The following MBNL2 variants were observed in gnomAD, a reference collection of about 807,000 sequenced individuals.
The protein encoded by MBNL2 is muscleblind-like protein 2.
Under a neutral mutation model 41.9 loss-of-function variants are expected in MBNL2, and 17 were observed. The ratio of observed to expected loss-of-function variants is 0.41; its 90% CI spans 0.28 to 0.61. The LOEUF (loss-of-function observed/expected upper bound fraction) is 0.61, where lower values mean the gene tolerates loss of function less well. Among genes scored for constraint, MBNL2 ranks in the 20% least tolerant of loss-of-function variants. MBNL2 has a pLI of 0.35. For synonymous variants in MBNL2, 195 were observed against 182.9 expected (o/e 1.07, Z -0.53); for missense variants, 336 against 505.6 (o/e 0.66, Z 3.22).
chr13:97,242,778 T>TC (rs1555304834), intron 1 of MBNL2, among the ~76,000 whole-genome samples: 42 of 151,872 alleles, frequency 2.8e-4, no homozygotes, highest in African/African-American at 9.9e-4. Flanking sequence ...TTTTTTTTTT[T>TC]TCCCCCCTCC....
chr13:97,199,240 C>T, the MBNL2 span, among the ~76,000 whole-genome samples: 11 of 152,186 alleles, frequency 7.2e-5, no homozygotes, highest in Non-Finnish European at 1.5e-4. Context: ...TCTACTCTGG[C>T]ATCACCTTGT....
chr13:97,220,745 A>G (rs1195862268), upstream of MBNL2, among the ~76,000 whole-genome samples: 1 of 152,184 alleles, frequency 6.6e-6, no homozygotes, highest in Non-Finnish European at 1.5e-5. Flanking sequence ...GAAAATCAAC[A>G]AGGCTTAGTT....
chr13:97,323,934 A>T (rs1475209485), intron 2 of MBNL2, among the ~76,000 whole-genome samples: 1 of 152,214 alleles, frequency 6.6e-6, no homozygotes, highest in Non-Finnish European at 1.5e-5. Flanking sequence ...CAATCCAATT[A>T]TATTCTTTAA....
intron 3 of MBNL2, among the ~76,000 whole-genome samples, chr13:97,335,188 G>A (rs1468594409): frequency 2.6e-5 from 4 of 151,996 alleles, no homozygotes; most frequent in Admixed American, 6.6e-5. Context: ...TTAAAGGTCT[G>A]GAAATTGTTT....
chr13:97,208,443 C>G, the MBNL2 span, among the ~76,000 whole-genome samples: 4 of 152,144 alleles, frequency 2.6e-5, no homozygotes, highest in African/African-American at 9.7e-5. Flanking sequence ...TTGTGGAACC[C>G]ACAGCTTGGC....
chr13:97,308,231 C>T (rs1000569106), intron 2 of MBNL2, among the ~76,000 whole-genome samples: 2 of 152,166 alleles, frequency 1.3e-5, no homozygotes, highest in African/African-American at 4.8e-5. Context: ...GAGGGCTTTA[C>T]CTTTATATCA....
chr13:97,369,421 G>A (rs746330459), intron 8 of MBNL2, among the ~76,000 whole-genome samples: 17 of 152,190 alleles, frequency 1.1e-4, no homozygotes, highest in Non-Finnish European at 2.2e-4. Flanking sequence ...CAAAGCATGA[G>A]ATTACAAAGA....
intron 2 of MBNL2, among the ~76,000 whole-genome samples, chr13:97,301,456 A>G (rs1349616442): frequency 2.0e-5 from 3 of 152,132 alleles, no homozygotes; most frequent in African/African-American, 7.2e-5. Context: ...GTCTTGGAGC[A>G]TTTCAGGCAG....
chr13:97,342,146 C>T (rs144517615), intron 3 of MBNL2, among the ~76,000 whole-genome samples: 111 of 152,272 alleles, frequency 7.3e-4, no homozygotes, highest in Middle Eastern at 3.4e-3. Flanking sequence ...CTTAAATGTA[C>T]ATTATTTACT....
At chr13:97,269,985 C>T (rs1315077583) in intron 1 of MBNL2, among the ~76,000 whole-genome samples, 2 of 152,230 alleles carry the variant, frequency 1.3e-5, no homozygotes, top group Non-Finnish European at 2.9e-5. Flanking sequence ...TATAATCTGT[C>T]TTTCATGGCA....
At chr13:97,309,514 G>C (rs1012418384) in intron 2 of MBNL2, among the ~76,000 whole-genome samples, 1 of 152,180 alleles carries the variant, frequency 6.6e-6, no homozygotes, top group Non-Finnish European at 1.5e-5. Context: ...GTCAACAAGA[G>C]GGTGCTGGGA....
chr13:97,193,939 C>T, the MBNL2 span, among the ~76,000 whole-genome samples: 54 of 152,308 alleles, frequency 3.5e-4, no homozygotes, highest in East Asian at 0.01. Context: ...CCTCCCTGGT[C>T]TTTTAGTTTC....
At chr13:97,321,847 C>G (rs1432342026) in intron 2 of MBNL2, among the ~76,000 whole-genome samples, 1 of 152,216 alleles carries the variant, frequency 6.6e-6, no homozygotes. Context: ...CTGCCACTTA[C>G]TTACTAGCTG....
chr13:97,378,760 G>GA (rs201832459), intron 8 of MBNL2, among the ~76,000 whole-genome samples: 4 of 151,514 alleles, frequency 2.6e-5, no homozygotes, highest in South Asian at 4.2e-4. Flanking sequence ...AATAGAAACT[G>GA]AAAAAAAATT....
chr13:97,372,099 C>G (rs150511229), intron 8 of MBNL2, among the ~76,000 whole-genome samples: 23 of 152,338 alleles, frequency 1.5e-4, no homozygotes, highest in Non-Finnish European at 2.8e-4. Flanking sequence ...GGACAGTGAA[C>G]AGATTATCCA....
intron 2 of MBNL2, among the ~76,000 whole-genome samples, chr13:97,313,389 A>T (rs963917715): frequency 6.6e-6 from 1 of 152,218 alleles, no homozygotes; most frequent in Admixed American, 6.5e-5. Context: ...TGCTGCACAG[A>T]AGGAACTTGA....
chr13:97,374,580 G>A (rs2064785159), intron 8 of MBNL2, among the ~76,000 whole-genome samples: 1 of 151,722 alleles, frequency 6.6e-6, no homozygotes, highest in African/African-American at 2.4e-5. Flanking sequence ...TTTTAGTAGA[G>A]ACGGGGTTTA....
intron 6 of MBNL2, 50 bp from the exon 7 acceptor site, chr13:97,357,432 G>A (rs762958243): frequency 2.0e-6 from 3 of 1,470,916 alleles, no homozygotes; most frequent in Non-Finnish European, 2.9e-6. Flanking sequence ...GAACATGGAA[G>A]GTGTGTTTGC....
At chr13:97,232,849 C>CTGTGTGTGTG (rs1424948508) in intron 1 of MBNL2, among the ~76,000 whole-genome samples, 1 of 97,752 alleles carries the variant, frequency 1.0e-5, no homozygotes, top group African/African-American at 5.8e-5. Context: ...ACTCTTGACG[C>CTGTGTGTGTG]TATGTGTGTG....
Sources: allele counts gnomAD v4.1 joint callset (sites outside exome capture counted in the v4.1 genomes callset), GRCh38; gene constraint gnomAD v4.1.1; transcripts MANE v1.5; gene names NCBI Gene and HGNC (gene_info 2026-07-23, HGNC 2026-07-21).